PTPRK: variants seen among roughly 807,000 people sequenced by gnomAD.
PTPRK encodes the protein receptor-type tyrosine-protein phosphatase kappa.
In PTPRK, 75 loss-of-function variants were observed where a neutral mutation model predicts 178.0. The ratio of observed to expected loss-of-function variants is 0.42; its 90% CI spans 0.35 to 0.51. The LOEUF is 0.51. Among genes scored for constraint, PTPRK ranks in the 20% least tolerant of loss-of-function variants. The probability of loss-of-function intolerance (pLI) is 0.02; values close to 1 mark genes in which losing one functional copy is unlikely to be tolerated. For missense variants in PTPRK, 1,441 were observed against 1,797.8 expected, an observed-to-expected ratio of 0.80 and a Z score of 3.59; for synonymous variants, 637 against 620.6, an observed-to-expected ratio of 1.03 and a Z score of -0.39.
At chr6:128,146,424 ATGTGTG>A (rs35899707) in intron 7 of PTPRK, among the ~76,000 whole-genome samples, 5,119 of 135,954 alleles carry the variant, frequency 0.038, 136 homozygotes, top group Middle Eastern at 0.083. Context: ...GTGTGTGTTT[ATGTGTG>A]TGTGTGTGTG....
At chr6:128,514,370 A>ATGTGTGTGTGTGTGTGTGTGTG (rs146438569) in intron 1 of PTPRK, among the ~76,000 whole-genome samples, 7 of 148,378 alleles carry the variant, frequency 4.7e-5, no homozygotes, top group Non-Finnish European at 7.5e-5. Context: ...CATTGTTAAG[A>ATGTGTGTGTGTGTGTGTGTGTG]TGTGTGTGTG....
intron 1 of PTPRK, among the ~76,000 whole-genome samples, chr6:128,453,388 T>A (rs1848018810): frequency 6.6e-6 from 1 of 152,174 alleles, no homozygotes; most frequent in Admixed American, 6.6e-5. Flanking sequence ...AGTAGATAAA[T>A]TTTAGCTTCT....
At chr6:128,235,811 G>A (rs9388625) in intron 5 of PTPRK, among the ~76,000 whole-genome samples, 14,451 of 151,752 alleles carry the variant, frequency 0.095, 1,495 homozygotes, top group East Asian at 0.34. Flanking sequence ...TTGTCAGAAG[G>A]ACAATAGTAG....
chr6:128,465,759 A>C (rs539063703), intron 1 of PTPRK, among the ~76,000 whole-genome samples: 4 of 152,158 alleles, frequency 2.6e-5, no homozygotes, highest in Non-Finnish European at 5.9e-5. Context: ...GTGATTAGAG[A>C]CCCTCACAGG....
intron 23 of PTPRK, 31 bp from the exon 24 acceptor site, chr6:127,983,011 A>T (rs1445073570): frequency 2.5e-6 from 4 of 1,583,820 alleles, no homozygotes; most frequent in African/African-American, 1.4e-5. Flanking sequence ...AAAATTTTGT[A>T]CTAGTTTTAG....
intron 5 of PTPRK, among the ~76,000 whole-genome samples, chr6:128,233,261 G>A (rs1812611634): frequency 2.0e-5 from 3 of 152,178 alleles, no homozygotes; most frequent in South Asian, 4.1e-4. Flanking sequence ...ATGGTGTAGT[G>A]CTATGTTTTC....
At chr6:128,091,471 T>C (rs968561311) in intron 7 of PTPRK, among the ~76,000 whole-genome samples, 4 of 152,172 alleles carry the variant, frequency 2.6e-5, no homozygotes, top group African/African-American at 9.6e-5. Flanking sequence ...CAATGAGAAC[T>C]AGGATCATCC....
intron 7 of PTPRK, among the ~76,000 whole-genome samples, chr6:128,098,711 T>C (rs530749675): frequency 5.9e-4 from 89 of 151,278 alleles, no homozygotes; most frequent in Non-Finnish European, 1.1e-3. Flanking sequence ...ATTCTATCAG[T>C]GATATCTACA....
At chr6:128,367,225 T>C (rs1835634112) in intron 2 of PTPRK, among the ~76,000 whole-genome samples, 2 of 152,178 alleles carry the variant, frequency 1.3e-5, no homozygotes, top group South Asian at 2.1e-4. Flanking sequence ...AGTTCTACTA[T>C]ATTCTGCATG....
chr6:128,095,411 A>G (rs931993391), intron 7 of PTPRK, among the ~76,000 whole-genome samples: 1 of 151,950 alleles, frequency 6.6e-6, no homozygotes, highest in African/African-American at 2.4e-5. Context: ...AACCTACCCC[A>G]TTTTGTTGTT....
At chr6:128,179,751 T>C (rs1248141439) in intron 7 of PTPRK, among the ~76,000 whole-genome samples, 1 of 151,912 alleles carries the variant, frequency 6.6e-6, no homozygotes, top group African/African-American at 2.4e-5. Context: ...ATAGCAAAAA[T>C]CAATATATGG....
chr6:128,182,747 AAC>A lies in PTPRK; in HGVS notation c.1162+1683_1162+1684del, dbSNP rs542625382. On this transcript the variant is annotated intron_variant, in intron 7 of 29. Transcript: ENST00000368226. ...TTCAGTAACATGTTTTTATCCACTT[AAC>A]ACAGTATAACTGGCTTCAAAACACA... Among the ~76,000 whole-genome samples the A allele has an allele frequency of 7.0e-4, 106 of 152,308 alleles. 1 individual carries two copies. Among genetic ancestry groups the A allele is most frequent in the African/African-American group, 2.4e-3 (100 of 41,586 alleles).
chr6:128,082,386 T>A, intron 10 of PTPRK, 51 bp downstream of exon 10: 1 of 1,514,568 alleles, frequency 6.6e-7, no homozygotes, highest in African/African-American at 1.4e-5. Flanking sequence ...GATGTGCCAT[T>A]ACAAACCAAT....
At chr6:128,471,287 C>G (rs1850617203) in intron 1 of PTPRK, among the ~76,000 whole-genome samples, 1 of 151,866 alleles carries the variant, frequency 6.6e-6, no homozygotes, top group Non-Finnish European at 1.5e-5. Flanking sequence ...CTGTGAGATT[C>G]TTTTTACATT....
chr6:127,992,259 T>G (rs147249628), intron 19 of PTPRK, among the ~76,000 whole-genome samples: 1 of 151,882 alleles, frequency 6.6e-6, no homozygotes, highest in East Asian at 1.9e-4. Context: ...CGTCAAAAAA[T>G]TGCTCAGTAT....
chr6:128,356,973 AATTCC>A (rs1470043938), intron 2 of PTPRK, among the ~76,000 whole-genome samples: 1 of 152,188 alleles, frequency 6.6e-6, no homozygotes, highest in African/African-American at 2.4e-5. Context: ...AAGAAATATA[AATTCC>A]AAAACTTTAC....
chr6:128,051,948 G>C (rs1779082629), intron 13 of PTPRK, among the ~76,000 whole-genome samples: 1 of 151,572 alleles, frequency 6.6e-6, no homozygotes, highest in Admixed American at 6.6e-5. Flanking sequence ...AGTGTGGTTG[G>C]CTCAGGACAG....
chr6:128,476,186 C>G (rs1473248398), intron 1 of PTPRK, among the ~76,000 whole-genome samples: 1 of 152,066 alleles, frequency 6.6e-6, no homozygotes. Context: ...CCCCTCATAT[C>G]AAGAGCCTAT....
rs186828793 is a variant in PTPRK, at chr6:128,508,773, C to T, written c.100+11486G>A. Among the ~76,000 whole-genome samples the T allele has an allele frequency of 1.3e-3, 194 of 151,906 alleles. 1 individual carries two copies. Among genetic ancestry groups the T allele is most frequent in the African/African-American group, 4.3e-3 (178 of 41,458 alleles). On this transcript the variant is annotated intron_variant, in intron 1 of 29. Coordinates refer to ENST00000368226, the MANE Select transcript of PTPRK (RefSeq NM_002844.4). Reference sequence around the variant, plus strand: ...GCCTGGCCAACATGGCAAAATCCCGCCTCTACTAAAAACACAAAAAAATAG... The same window carrying T: ...GCCTGGCCAACATGGCAAAATCCCGTCTCTACTAAAAACACAAAAAAATAG...
Sources: gnomAD v4.1 joint callset for allele counts (sites outside exome capture counted in the v4.1 genomes callset) on GRCh38, gnomAD v4.1.1 for gene constraint, MANE v1.5 for transcripts, NCBI Gene and HGNC (gene_info 2026-07-23, HGNC 2026-07-21) for gene names.